The following TOP6BL variants were observed in gnomAD, a reference collection of about 807,000 sequenced individuals.
TOP6BL encodes TOP6B like initiator of meiotic double strand breaks.
At chr11:66,792,289 C>T in the TOP6BL span, among the ~76,000 whole-genome samples, 1 of 152,164 alleles carries the variant, frequency 6.6e-6, no homozygotes, top group Non-Finnish European at 1.5e-5. Context: ...CTAAATTTCA[C>T]ATTGTCATAT....
At chr11:66,818,255 A>G in the TOP6BL span, among the ~76,000 whole-genome samples, 1 of 152,030 alleles carries the variant, frequency 6.6e-6, no homozygotes, top group South Asian at 2.1e-4. Flanking sequence ...TCTTCCTTCT[A>G]CCTTCCTTCT....
chr11:66,776,368 C>G, the TOP6BL span, among the ~76,000 whole-genome samples: 1 of 151,916 alleles, frequency 6.6e-6, no homozygotes, highest in Non-Finnish European at 1.5e-5. Context: ...ATATGGCTTA[C>G]TTCTTTTCCT....
At chr11:66,747,411 G>C in the TOP6BL span, among the ~76,000 whole-genome samples, 1 of 145,142 alleles carries the variant, frequency 6.9e-6, no homozygotes, top group African/African-American at 2.6e-5. Flanking sequence ...TTTTTTTTTA[G>C]TAGAGATGGG....
At chr11:66,761,702 TC>T in the TOP6BL span, 1 of 850,538 alleles carries the variant, frequency 1.2e-6, no homozygotes, top group Non-Finnish European at 1.9e-6. Context: ...CGCAAGGAAA[TC>T]CATTAGGTGG....
the TOP6BL span, among the ~76,000 whole-genome samples, chr11:66,781,681 G>A: frequency 3.3e-5 from 5 of 152,156 alleles, no homozygotes; most frequent in East Asian, 9.7e-4. Flanking sequence ...GGACCCACAG[G>A]CATGTACCAC....
At chr11:66,812,367 G>A in the TOP6BL span, among the ~76,000 whole-genome samples, 1 of 151,914 alleles carries the variant, frequency 6.6e-6, no homozygotes, top group African/African-American at 2.4e-5. Context: ...TAGTAGAGAC[G>A]GGGTTTCACC....
At chr11:66,806,056 G>A in the TOP6BL span, among the ~76,000 whole-genome samples, 1 of 152,202 alleles carries the variant, frequency 6.6e-6, no homozygotes, top group East Asian at 1.9e-4. Context: ...AACATAGTAA[G>A]GAGCTATATA....
At chr11:66,826,819 AT>A in the TOP6BL span, among the ~76,000 whole-genome samples, 1 of 150,770 alleles carries the variant, frequency 6.6e-6, no homozygotes, top group Admixed American at 6.7e-5. Flanking sequence ...AGTAGCTGGG[AT>A]TACAGGCATG....
At chr11:66,782,475 C>G in the TOP6BL span, among the ~76,000 whole-genome samples, 4 of 152,150 alleles carry the variant, frequency 2.6e-5, no homozygotes, top group Non-Finnish European at 5.9e-5. Context: ...CTCCAGTGCC[C>G]TGCCCTGCAG....
chr11:66,800,589 A>G, the TOP6BL span: 1 of 1,431,598 alleles, frequency 7.0e-7, no homozygotes, highest in Non-Finnish European at 9.5e-7. Context: ...GGAAGTTTTT[A>G]ATCTGTATCT....
At chr11:66,789,473 A>T in the TOP6BL span, among the ~76,000 whole-genome samples, 2 of 152,184 alleles carry the variant, frequency 1.3e-5, no homozygotes, top group Admixed American at 6.5e-5. Context: ...GCTCATTCTG[A>T]AAGGAATGGG....
chr11:66,796,281 G>A, the TOP6BL span: 1 of 1,606,400 alleles, frequency 6.2e-7, no homozygotes, highest in Non-Finnish European at 8.5e-7. Context: ...ATTATTACAG[G>A]TTGATGAAAA....
the TOP6BL span, among the ~76,000 whole-genome samples, chr11:66,748,734 A>G: frequency 6.6e-6 from 1 of 152,054 alleles, no homozygotes; most frequent in African/African-American, 2.4e-5. Context: ...TAGATTATTT[A>G]TTTTACTGGT....
the TOP6BL span, among the ~76,000 whole-genome samples, chr11:66,754,603 G>T: frequency 6.6e-6 from 1 of 152,138 alleles, no homozygotes; most frequent in Non-Finnish European, 1.5e-5. Context: ...CTTTTAACTG[G>T]GGAACTTTCT....
At chr11:66,772,152 T>G in the TOP6BL span, among the ~76,000 whole-genome samples, 1 of 152,030 alleles carries the variant, frequency 6.6e-6, no homozygotes, top group African/African-American at 2.4e-5. Context: ...AGTGGAAGAG[T>G]TAACTGTAAA....
the TOP6BL span, among the ~76,000 whole-genome samples, chr11:66,753,214 T>G: frequency 6.6e-6 from 1 of 152,120 alleles, no homozygotes. Context: ...TGTGTGTGTA[T>G]GCAGGCAAGC....
chr11:66,815,024 C>T, the TOP6BL span, among the ~76,000 whole-genome samples: 1 of 152,122 alleles, frequency 6.6e-6, no homozygotes, highest in Non-Finnish European at 1.5e-5. Context: ...AGAAGGTAGT[C>T]TGGTCGTCTG....
At chr11:66,754,817 C>T in the TOP6BL span, among the ~76,000 whole-genome samples, 3 of 152,156 alleles carry the variant, frequency 2.0e-5, no homozygotes, top group African/African-American at 7.2e-5. Context: ...AGATTGACAC[C>T]TTGACCATTT....
At chr11:66,785,440 C>T in the TOP6BL span, among the ~76,000 whole-genome samples, 5 of 152,006 alleles carry the variant, frequency 3.3e-5, no homozygotes, top group Non-Finnish European at 5.9e-5. Flanking sequence ...TGTGTATTAT[C>T]GTTTTCATGG....
Sources: allele counts gnomAD v4.1 joint callset (sites outside exome capture counted in the v4.1 genomes callset), GRCh38; gene constraint gnomAD v4.1.1; transcripts MANE v1.5; gene names NCBI Gene and HGNC (gene_info 2026-07-23, HGNC 2026-07-21).